Variants in CXADR observed in about 807,000 individuals in gnomAD.
CXADR encodes the protein CXADR cell adhesion molecule, also known as coxsackievirus and adenovirus receptor.
A neutral mutation model predicts 40.3 loss-of-function variants in CXADR; 20 were observed. The observed-to-expected ratio is 0.50, with a 90% CI of 0.35 to 0.72. The LOEUF (loss-of-function observed/expected upper bound fraction) is 0.72, where lower values mean the gene tolerates loss of function less well. Among genes scored for constraint, CXADR ranks in the 30% least tolerant of loss-of-function variants. The pLI is 0.01. For missense variants in CXADR, 332 were observed against 449.1 expected (o/e 0.74, Z 2.36); for synonymous variants, 150 against 161.3 (o/e 0.93, Z 0.53).
intron 1 of CXADR, among the ~76,000 whole-genome samples, chr21:17,528,192 C>T (rs913057731): frequency 1.3e-5 from 2 of 150,576 alleles, no homozygotes; most frequent in African/African-American, 2.4e-5. Context: ...TCCTGCCTCA[C>T]CCTCTCGAGT....
chr21:17,578,625 T>C (rs1250092980), intron 7 of CXADR, among the ~76,000 whole-genome samples: 1 of 152,160 alleles, frequency 6.6e-6, no homozygotes, highest in Non-Finnish European at 1.5e-5. Context: ...GCCCAGGAGT[T>C]CGAGACCAGT....
rs1266477244 is a variant in CXADR, at chr21:17,568,987, T to TA, written c.*3300dup. On this transcript the variant is annotated 3_prime_UTR_variant, in exon 7 of 7. Transcript: ENST00000284878. Reference sequence around the variant, plus strand: ...ATATAAAGAGATACCTGATTTTTATTAAAAAGATACTTTTTCAAATTTAAG... The same window carrying TA: ...ATATAAAGAGATACCTGATTTTTATTAAAAAAGATACTTTTTCAAATTTAAG... 1.0e-6 allele frequency: 1 copy of TA among 983,626 alleles called. No homozygotes were observed. Among genetic ancestry groups the TA allele is most frequent in the African/African-American group, 1.7e-5 (1 of 57,196 alleles). 60.9% of individuals were successfully genotyped at this position (983,626 alleles called of 1,614,324 possible).
At chr21:17,589,523 C>CTA (rs2061420104) in intron 7 of CXADR, among the ~76,000 whole-genome samples, 1 of 151,998 alleles carries the variant, frequency 6.6e-6, no homozygotes. Context: ...TCTGAGAACA[C>CTA]TAACTACCAT....
the CXADR span, among the ~76,000 whole-genome samples, chr21:17,634,062 G>T: frequency 6.6e-6 from 1 of 152,182 alleles, no homozygotes; most frequent in Non-Finnish European, 1.5e-5. Flanking sequence ...CATTAGCTAT[G>T]TGAAGCTTAT....
At chr21:17,619,033 T>G in the CXADR span, among the ~76,000 whole-genome samples, 1 of 152,198 alleles carries the variant, frequency 6.6e-6, no homozygotes, top group African/African-American at 2.4e-5. Flanking sequence ...GAGCAATAAG[T>G]CACTTAAGTA....
downstream of CXADR, among the ~76,000 whole-genome samples, chr21:17,597,995 T>C (rs1344054746): frequency 6.6e-6 from 1 of 152,194 alleles, no homozygotes; most frequent in African/African-American, 2.4e-5. Context: ...AAAAAATCTC[T>C]TTAAATTGTT....
chr21:17,533,666 G>T (rs1045391251), intron 1 of CXADR, among the ~76,000 whole-genome samples: 18 of 152,006 alleles, frequency 1.2e-4, no homozygotes, highest in African/African-American at 4.4e-4. Flanking sequence ...AAAAGTGCTT[G>T]GTCTGTCATA....
At chr21:17,596,873 T>A (rs145830451), downstream of CXADR, among the ~76,000 whole-genome samples, 748 of 152,188 alleles carry the variant, frequency 4.9e-3, 7 homozygotes, top group African/African-American at 0.017. Flanking sequence ...ATATGAATAA[T>A]TCTTTATCCC....
At chr21:17,622,591 C>T in the CXADR span, among the ~76,000 whole-genome samples, 3 of 152,064 alleles carry the variant, frequency 2.0e-5, no homozygotes, top group African/African-American at 7.2e-5. Flanking sequence ...TCACAAATAA[C>T]TGGTTTTTTT....
At chr21:17,534,024 A>AGC (rs1443518170) in intron 1 of CXADR, among the ~76,000 whole-genome samples, 5 of 129,160 alleles carry the variant, frequency 3.9e-5, no homozygotes, top group African/African-American at 1.2e-4. Flanking sequence ...ATATATATAT[A>AGC]TATAGCTATA....
At chr21:17,591,043 G>A (rs541945538) in intron 7 of CXADR, among the ~76,000 whole-genome samples, 3 of 151,838 alleles carry the variant, frequency 2.0e-5, no homozygotes, top group Admixed American at 1.3e-4. Flanking sequence ...ATTTACCTTC[G>A]CACTGGTTCC....
intron 3 of CXADR, among the ~76,000 whole-genome samples, chr21:17,556,140 G>C (rs2061032017): frequency 6.6e-6 from 1 of 152,248 alleles, no homozygotes; most frequent in Non-Finnish European, 1.5e-5. Flanking sequence ...ACAGCGGCCA[G>C]TATGTGGGAA....
At chr21:17,522,975 A>G (rs1019653020) in intron 1 of CXADR, among the ~76,000 whole-genome samples, 5 of 152,134 alleles carry the variant, frequency 3.3e-5, no homozygotes, top group African/African-American at 1.2e-4. Context: ...TGAATATCTT[A>G]CTTGGCCTTT....
chr21:17,525,533 A>G (rs1457636796), intron 1 of CXADR, among the ~76,000 whole-genome samples: 1 of 152,308 alleles, frequency 6.6e-6, no homozygotes, highest in Non-Finnish European at 1.5e-5. Context: ...TCTCACATGT[A>G]TTTTAAACAC....
chr21:17,577,827 CACTCTCTGCTTCTCCT>C (rs1165212148), intron 7 of CXADR, among the ~76,000 whole-genome samples: 1 of 151,968 alleles, frequency 6.6e-6, no homozygotes, highest in Non-Finnish European at 1.5e-5. Context: ...TTTCTCCTGG[CACTCTCTGCTTCTCCT>C]ACTCTCTGCT....
the CXADR span, among the ~76,000 whole-genome samples, chr21:17,630,412 T>C: frequency 6.6e-6 from 1 of 152,168 alleles, no homozygotes; most frequent in Non-Finnish European, 1.5e-5. Context: ...TCAAGATGCA[T>C]CCCTAAAAAA....
intron 2 of CXADR, among the ~76,000 whole-genome samples, chr21:17,548,460 G>C (rs1035923519): frequency 1.3e-5 from 2 of 152,138 alleles, no homozygotes; most frequent in African/African-American, 4.8e-5. Context: ...TCGTTGCCCT[G>C]TTCCCTGTCA....
chr21:17,597,557 G>C (rs187573872), downstream of CXADR, among the ~76,000 whole-genome samples: 11 of 151,912 alleles, frequency 7.2e-5, no homozygotes, highest in East Asian at 1.9e-3. Context: ...TGGTGGTTGG[G>C]GAGAAAGAGG....
chr21:17,542,840 A>G (rs948874554), intron 1 of CXADR, among the ~76,000 whole-genome samples: 12 of 152,248 alleles, frequency 7.9e-5, no homozygotes, highest in African/African-American at 2.2e-4. Context: ...AAAATTGGGC[A>G]GTATTAGGAA....
Sources: gnomAD v4.1 joint callset for allele counts (sites outside exome capture counted in the v4.1 genomes callset) on GRCh38, gnomAD v4.1.1 for gene constraint, MANE v1.5 for transcripts, NCBI Gene and HGNC (gene_info 2026-07-23, HGNC 2026-07-21) for gene names.